MOB1B: variants seen among roughly 807,000 people sequenced by gnomAD.
MOB1B encodes MOB1 Mps One Binder homolog B.
A neutral mutation model predicts 24.4 loss-of-function variants in MOB1B; 19 were observed. That is an observed-to-expected ratio of 0.78 (90% CI 0.54 to 1.14). The LOEUF (loss-of-function observed/expected upper bound fraction) is 1.14, where lower values mean the gene tolerates loss of function less well. MOB1B is among the 50% of genes most tolerant of loss of function. The pLI, the probability that MOB1B is intolerant of heterozygous loss-of-function variation, is 0.00. For missense variants in MOB1B, 243 were observed against 259.6 expected (o/e 0.94, Z 0.44); for synonymous variants, 76 against 82.1 (o/e 0.93, Z 0.40).
rs1739389778 is a variant in MOB1B at position 70,986,607 on chromosome 4, A to G, written c.*4550A>G. ...CTTTAAGCTTATTTTAAAATTAAAGAATATATACCAATTCTTAGAAACACT... is the reference window on the plus strand; with the variant it reads ...CTTTAAGCTTATTTTAAAATTAAAGGATATATACCAATTCTTAGAAACACT... On this transcript the variant is annotated 3_prime_UTR_variant, in exon 6 of 6. Transcript: ENST00000309395. 6.6e-6 allele frequency: 1 copy of G among 152,166 alleles called. No homozygotes were observed. Among genetic ancestry groups the G allele is most frequent in the African/African-American group, 2.4e-5 (1 of 41,462 alleles). The allele number at this position is 152,166 out of a possible 1,614,324, so 9.4% of individuals were successfully genotyped here. A position where few individuals can be genotyped will look rare whatever the true frequency, so the allele number is the denominator to read the frequency against.
At chr4:70,916,704 A>G (rs540156565) in intron 1 of MOB1B, among the ~76,000 whole-genome samples, 1 of 152,208 alleles carries the variant, frequency 6.6e-6, no homozygotes, top group South Asian at 2.1e-4. Context: ...AGTAGCTGGG[A>G]TTACAGGCAT....
chr4:70,903,018 GA>G (rs2148862627), intron 1 of MOB1B, among the ~76,000 whole-genome samples: 1 of 152,278 alleles, frequency 6.6e-6, no homozygotes, highest in South Asian at 2.1e-4. Flanking sequence ...GTCATCCCAG[GA>G]CCCTTTTAAC....
At position 70,976,989 on chromosome 4, in the gene MOB1B, C is replaced by G. The variant is rs185464035; in HGVS notation, c.409+1703C>G. On this transcript the variant is annotated intron_variant, in intron 4 of 5. Transcript: ENST00000309395. ...CCTTCCCTCTCCCTCTCCCGAGCCT[C>G]TTTCACACATACACATACATTCATT... Among the ~76,000 whole-genome samples the G allele has an allele frequency of 5.7e-4, 87 of 152,098 alleles. 1 individual carries two copies. In the East Asian group the frequency reaches 7.5e-3, roughly 13 times the overall value.
intron 2 of MOB1B, among the ~76,000 whole-genome samples, chr4:70,967,486 T>C (rs1047277916): frequency 2.0e-5 from 3 of 152,162 alleles, no homozygotes; most frequent in Admixed American, 6.5e-5. Context: ...ATAAAAAATA[T>C]ACTGACTGGA....
At chr4:70,957,032 G>A (rs1028721202) in intron 1 of MOB1B, among the ~76,000 whole-genome samples, 1 of 151,570 alleles carries the variant, frequency 6.6e-6, no homozygotes, top group African/African-American at 2.4e-5. Flanking sequence ...GGGGTTGGGG[G>A]TGTAAAGTTG....
intron 1 of MOB1B, among the ~76,000 whole-genome samples, chr4:70,940,669 G>A (rs1028119999): frequency 2.0e-5 from 3 of 151,438 alleles, no homozygotes; most frequent in African/African-American, 4.9e-5. Context: ...ATAATATTAG[G>A]GCATTAATTT....
intron 1 of MOB1B, among the ~76,000 whole-genome samples, chr4:70,921,060 A>G (rs74737204): frequency 4.4e-4 from 67 of 152,320 alleles, no homozygotes; most frequent in Non-Finnish European, 8.5e-4. Flanking sequence ...ATATATATGC[A>G]TACACAAGCA....
chr4:70,908,837 G>A (rs1266299895), intron 1 of MOB1B, among the ~76,000 whole-genome samples: 4 of 150,652 alleles, frequency 2.7e-5, no homozygotes, highest in Non-Finnish European at 4.4e-5. Flanking sequence ...GGATCATGAG[G>A]TCAGGAGTTC....
chr4:70,957,761 T>A (rs1481461944), intron 1 of MOB1B, among the ~76,000 whole-genome samples: 1 of 151,170 alleles, frequency 6.6e-6, no homozygotes, highest in African/African-American at 2.4e-5. Context: ...TTATTTTTTT[T>A]TTTTTTTTTT....
chr4:70,920,959 G>C (rs191425230), intron 1 of MOB1B, among the ~76,000 whole-genome samples: 5 of 152,276 alleles, frequency 3.3e-5, no homozygotes, highest in African/African-American at 4.8e-5. Flanking sequence ...AACAAATGAT[G>C]ACTTGCTAGA....
At chr4:70,964,534 A>G (rs1337546410) in intron 2 of MOB1B, among the ~76,000 whole-genome samples, 1 of 152,258 alleles carries the variant, frequency 6.6e-6, no homozygotes, top group Non-Finnish European at 1.5e-5. Context: ...AGAGCCTTAC[A>G]TAAATACATA....
intron 1 of MOB1B, among the ~76,000 whole-genome samples, chr4:70,958,444 G>A (rs970637569): frequency 2.6e-5 from 4 of 152,072 alleles, no homozygotes; most frequent in African/African-American, 4.8e-5. Context: ...GGGATTACAG[G>A]TGTGAGCCAC....
chr4:70,908,201 T>G (rs953352442), intron 1 of MOB1B, among the ~76,000 whole-genome samples: 2 of 151,506 alleles, frequency 1.3e-5, no homozygotes, highest in Non-Finnish European at 2.9e-5. Flanking sequence ...ACTTTTTTTT[T>G]GTATTTTTAG....
At chr4:70,973,424 C>T (rs1219341632) in intron 3 of MOB1B, among the ~76,000 whole-genome samples, 1 of 140,606 alleles carries the variant, frequency 7.1e-6, no homozygotes, top group Non-Finnish European at 1.5e-5. Flanking sequence ...GAGCTATGCT[C>T]GTGCCACTGT....
Position 70,926,264 on chromosome 4 carries a change from A to ATT in MOB1B, c.14+23729_14+23730dup, listed in dbSNP as rs750881520. Among the ~76,000 whole-genome samples the ATT allele has an allele frequency of 1.1e-3, 153 of 135,714 alleles. 1 individual carries two copies. The highest frequency in any genetic ancestry group is 3.7e-3 in the African/African-American group (137 of 37,292). 89.0% of individuals were successfully genotyped at this position (135,714 alleles called of 152,430 possible). On this transcript the variant is annotated intron_variant, in intron 1 of 5. Coordinates refer to ENST00000309395, the MANE Select transcript of MOB1B (RefSeq NM_173468.4). ...CCTCCCAAGTGCTGGGATTACAGCC[A>ATT]TTTTTTTTTTTTTTTTAATTAACTG...
chr4:70,958,908 A>G lies in MOB1B; in HGVS notation c.49A>G (p.Lys17Glu), dbSNP rs767231417. Residue 17 changes from lysine to glutamate, a missense_variant, in exon 2 of 6, where the codon AAG becomes GAG. Transcript: ENST00000309395. ...SRSSKTFKPKKNIPEGSHQYE... is the reference protein window; with the variant it reads ...SRSSKTFKPKENIPEGSHQYE... ...CTCTTCTAAAACTTTTAAACCAAAG[A>G]AGAACATTCCAGAGGGTTCTCACCA... 3 of 1,613,232 alleles carry G rather than the reference A, an allele frequency of 1.9e-6. No individual in the cohort carries two copies. The highest frequency in any genetic ancestry group is 2.5e-6 in the Non-Finnish European group (3 of 1,179,848).
intron 1 of MOB1B, among the ~76,000 whole-genome samples, chr4:70,913,259 G>T (rs2148868645): frequency 6.7e-6 from 1 of 150,024 alleles, no homozygotes; most frequent in South Asian, 2.2e-4. Flanking sequence ...CGTTTGTATG[G>T]GTATGTATGT....
chr4:70,978,931 C>T (rs994637062), intron 4 of MOB1B, among the ~76,000 whole-genome samples, 197 bp from the exon 5 acceptor site: 1 of 152,050 alleles, frequency 6.6e-6, no homozygotes, highest in Non-Finnish European at 1.5e-5. Context: ...AATTCTTATA[C>T]CATAAAAACT....
At position 70,922,014 on chromosome 4, in the gene MOB1B, T is replaced by A. The variant is rs527442020; in HGVS notation, c.14+19464T>A. Among the ~76,000 whole-genome samples the A allele has an allele frequency of 7.2e-5, 11 of 152,346 alleles. No homozygotes were observed. In the East Asian group the frequency reaches 2.1e-3, roughly 29 times the overall value. On this transcript the variant is annotated intron_variant, in intron 1 of 5. Transcript: ENST00000309395. ...AACCTTTTAAATCTGTAATTTGAAC[T>A]GACTTTTAGATAACTTCTGAATTAG... is the stretch of plus-strand genomic sequence containing the variant.
Sources: gnomAD v4.1 joint callset for allele counts (sites outside exome capture counted in the v4.1 genomes callset) on GRCh38, gnomAD v4.1.1 for gene constraint, MANE v1.5 for transcripts, NCBI Gene and HGNC (gene_info 2026-07-23, HGNC 2026-07-21) for gene names.